Variants in ZNF662 observed in about 807,000 individuals in gnomAD.
ZNF662 encodes zinc finger protein 662.
Under a neutral mutation model 12.4 loss-of-function variants are expected in ZNF662, and 14 were observed. The observed-to-expected ratio is 1.13, with a 90% CI of 0.75 to 1.77. The LOEUF (loss-of-function observed/expected upper bound fraction) is 1.77. ZNF662 is among the 40% of genes most tolerant of loss of function. ZNF662 has a pLI of 0.00. For synonymous variants in ZNF662, 184 were observed against 176.4 expected (o/e 1.04, Z -0.34); for missense variants, 550 against 515.6 (o/e 1.07, Z -0.65).
rs1259604229 is a variant in ZNF662 at position 42,914,532 on chromosome 3, T to C, written c.459T>C (p.Asp153=). 1.2e-6 allele frequency: 2 copies of C among 1,613,928 alleles called. No individual in the cohort carries two copies. The highest frequency in any genetic ancestry group is 1.7e-6 in the Non-Finnish European group (2 of 1,179,848). Residue 153 remains aspartate (D), a synonymous_variant, in exon 5 of 5, where the codon GAT becomes GAC. Transcript: ENST00000440367. ...NGGRMESSTN[D]IIEVIVKDEM... is the part of the protein sequence containing the mutation. ...GACGTATGGAAAGTTCTACAAATGA[T>C]ATTATAGAAGTGATTGTCAAGGATG...
Position 42,917,607 on chromosome 3 carries a change from T to G in ZNF662, c.*2253T>G. On this transcript the variant is annotated 3_prime_UTR_variant, in exon 5 of 5. Coordinates refer to ENST00000440367, the MANE Select transcript of ZNF662 (RefSeq NM_207404.4). The stretch of plus-strand genomic sequence containing the variant: ...TGAAGCAGAGCTACCTCAGAACTTT[T>G]CAGCTATGTGAGCCAATAAACATCT... The G allele has an allele frequency of 1.4e-6, 1 of 691,846 alleles. No individual in the cohort carries two copies. The allele number at this position is 691,846 out of a possible 1,614,324, so 42.9% of individuals were successfully genotyped here.
intron 3 of ZNF662, among the ~76,000 whole-genome samples, chr3:42,912,526 TA>T (rs1319965168): frequency 1.0e-5 from 1 of 96,452 alleles, no homozygotes; most frequent in Non-Finnish European, 1.8e-5. Flanking sequence ...ATTTAATATA[TA>T]AATACATATA....
At position 42,915,131 on chromosome 3, in the gene ZNF662, T is replaced by C; in HGVS notation, c.1058T>C (p.Val353Ala). ...TCAGATCTTTCTCAGCACCAGAGGGTCCACACTGGGGACAAGCCTCATGAA... is the reference window on the plus strand; with the variant it reads ...TCAGATCTTTCTCAGCACCAGAGGGCCCACACTGGGGACAAGCCTCATGAA... ...WNSDLSQHQRVHTGDKPHECT... is the reference protein window; with the variant it reads ...WNSDLSQHQRAHTGDKPHECT... Residue 353 changes from valine to alanine, a missense_variant, in exon 5 of 5, where the codon GTC (valine) becomes GCC (alanine). By Grantham distance (64) the Val-to-Ala change is moderately conservative (BLOSUM62 0). Coordinates refer to ENST00000440367, the MANE Select transcript of ZNF662 (RefSeq NM_207404.4). 1 of 1,614,006 alleles carries C rather than the reference T, an allele frequency of 6.2e-7. No homozygotes were observed. The highest frequency in any genetic ancestry group is 8.5e-7 in the Non-Finnish European group (1 of 1,179,980).
chr3:42,909,913 C>T (rs1211414592), intron 3 of ZNF662, among the ~76,000 whole-genome samples: 37 of 151,880 alleles, frequency 2.4e-4, no homozygotes, highest in Admixed American at 7.9e-4. Context: ...AGAGGATGGG[C>T]GGCCGGGCAG....
At chr3:42,907,623 G>A in intron 1 of ZNF662, 1 of 934,946 alleles carries the variant, frequency 1.1e-6, no homozygotes, top group African/African-American at 1.8e-5. Flanking sequence ...ACATAACAAA[G>A]AATATATGTC....
At chr3:42,909,273 G>A (rs2088734580) in intron 3 of ZNF662, among the ~76,000 whole-genome samples, 1 of 152,092 alleles carries the variant, frequency 6.6e-6, no homozygotes, top group African/African-American at 2.4e-5. Context: ...GACTCTTAAC[G>A]AGCATGCTTC....
intron 4 of ZNF662, 30 bp from the exon 5 acceptor site, chr3:42,914,297 G>A (rs2088870770): frequency 1.9e-6 from 3 of 1,550,284 alleles, no homozygotes; most frequent in Non-Finnish European, 2.6e-6. Context: ...GGATAATGAT[G>A]ACATTTGAAG....
intron 3 of ZNF662, among the ~76,000 whole-genome samples, chr3:42,912,983 T>C (rs1351634962): frequency 6.6e-6 from 1 of 151,576 alleles, no homozygotes; most frequent in Non-Finnish European, 1.5e-5. Flanking sequence ...CCTCAGGTGA[T>C]CCACCCACCT....
chr3:42,914,593 G>A lies in ZNF662; in HGVS notation c.520G>A (p.Asp174Asn). Residue 174 changes from aspartate (D) to asparagine (N), a missense_variant, in exon 5 of 5, where the codon GAT becomes AAT. Transcript: ENST00000440367. ...ISVEESSGNT[D>N]VNNLLGIHHK... is the part of the protein sequence containing the mutation. Reference sequence around the variant, plus strand: ...AGTAGAAGAGAGTTCAGGGAATACTGATGTCAATAACCTCCTTGGTATACA... The same window carrying A: ...AGTAGAAGAGAGTTCAGGGAATACTAATGTCAATAACCTCCTTGGTATACA... 1 of 1,614,122 alleles carries A rather than the reference G, an allele frequency of 6.2e-7. No homozygotes were observed. Among genetic ancestry groups the A allele is most frequent in the Non-Finnish European group, 8.5e-7 (1 of 1,180,012 alleles).
chr3:42,914,543 T>A lies in ZNF662; in HGVS notation c.470T>A (p.Val157Glu), dbSNP rs931400413. The change falls in exon 5 of 5, where the codon GTG becomes GAG. Residue 157 changes from valine (V) to glutamate (E), a missense_variant. Transcript: ENST00000440367. ...AGTTCTACAAATGATATTATAGAAG[T>A]GATTGTCAAGGATGAGATGATCTCA... ...MESSTNDIIE[V>E]IVKDEMISVE... 5.6e-6 allele frequency: 9 copies of A among 1,614,050 alleles called. No homozygotes were observed. The highest frequency in any genetic ancestry group is 7.6e-6 in the Non-Finnish European group (9 of 1,179,998).
In ZNF662 at chr3:42,908,076, G is replaced by T; in HGVS notation, c.-39G>T. On this transcript the variant is annotated 5_prime_UTR_variant, in exon 2 of 5. Coordinates refer to ENST00000440367, the MANE Select transcript of ZNF662 (RefSeq NM_207404.4). ...CTACTTCTCTGAGAACGAATGGATC[G>T]GCCTGGGCCCTGCTCAGAGAGCCCT... 1 of 1,614,154 alleles carries T rather than the reference G, an allele frequency of 6.2e-7. No individual in the cohort carries two copies. The highest frequency in any genetic ancestry group is 8.5e-7 in the Non-Finnish European group (1 of 1,180,026).
intron 1 of ZNF662, among the ~76,000 whole-genome samples, chr3:42,907,026 T>C (rs1193075176): frequency 1.3e-5 from 2 of 152,114 alleles, no homozygotes; most frequent in Non-Finnish European, 1.5e-5. Context: ...GCTGGATAAA[T>C]AGCTGTGGAG....
intron 1 of ZNF662, chr3:42,907,569 TCA>T: frequency 6.8e-6 from 4 of 586,908 alleles, no homozygotes; most frequent in Non-Finnish European, 8.6e-6. Context: ...CCTCCGAGTC[TCA>T]GTTTCCTCTT....
At chr3:42,913,341 A>G (rs1289686766) in intron 4 of ZNF662, 39 bp downstream of exon 4, 8 of 1,473,080 alleles carry the variant, frequency 5.4e-6, no homozygotes, top group Non-Finnish European at 7.6e-6. Flanking sequence ...TCTCAGTCAC[A>G]TCTTTTCCTA....
chr3:42,907,403 G>A (rs1157720119), intron 1 of ZNF662, among the ~76,000 whole-genome samples: 1 of 152,180 alleles, frequency 6.6e-6, no homozygotes, highest in African/African-American at 2.4e-5. Flanking sequence ...GTGGCTGGTG[G>A]CAGTGACTGG....
At position 42,910,030 on chromosome 3, in the gene ZNF662, G is replaced by A. The variant is rs911384033; in HGVS notation, c.151+1121G>A. ...TGGGAGGTGGAGGTTGTAGCGAGCC[G>A]AGATCACGCCACTGCACTCCAGCCT... On this transcript the variant is annotated intron_variant, in intron 3 of 4. Transcript: ENST00000440367. Among the ~76,000 whole-genome samples the A allele has an allele frequency of 9.2e-5, 14 of 152,134 alleles. 1 individual carries two copies. The highest frequency in any genetic ancestry group is 8.5e-4 in the Admixed American group (13 of 15,274).
chr3:42,909,007 A>G lies in ZNF662; in HGVS notation c.151+98A>G, dbSNP rs6778536. On this transcript the variant is annotated intron_variant, in intron 3 of 4. Transcript: ENST00000440367. Reference sequence around the variant, plus strand: ...GTTTTTTTAATCTAGTGTTGTAGACACTAGTGGGATTGCATTTCTTCTCTG... The same window carrying G: ...GTTTTTTTAATCTAGTGTTGTAGACGCTAGTGGGATTGCATTTCTTCTCTG... 2,738 of 736,324 alleles carry G rather than the reference A, an allele frequency of 3.7e-3. 71 individuals carry two copies. In the African/African-American group the frequency reaches 0.045, roughly 12 times the overall value. 45.6% of individuals were successfully genotyped at this position (736,324 alleles called of 1,614,324 possible).
At chr3:42,913,104 C>T in intron 3 of ZNF662, 97 bp from the exon 4 acceptor site, 3 of 825,580 alleles carry the variant, frequency 3.6e-6, no homozygotes, top group Non-Finnish European at 6.1e-6. Flanking sequence ...TTTTCACCCA[C>T]CTTTATTCTC....
rs748154274 is a variant in ZNF662, at chr3:42,906,361, G to A, written c.-94+193G>A. On this transcript the variant is annotated intron_variant, in intron 1 of 4. Coordinates refer to ENST00000440367, the MANE Select transcript of ZNF662 (RefSeq NM_207404.4). This position sits in a 1 kb window ranked among gnomAD's most constrained non-coding sequence, Gnocchi z 4.4. ...GAGGGCGACCTGGGCTATGGCGGCC[G>A]TGGCGCTGGCGAGCGGGACACGCCT... 3.9e-6 allele frequency: 6 copies of A among 1,527,772 alleles called. No homozygotes were observed. In the South Asian group the frequency reaches 6.0e-5, roughly 15 times the overall value. 94.6% of individuals were successfully genotyped at this position (1,527,772 alleles called of 1,614,324 possible).
Sources: allele counts gnomAD v4.1 joint callset (sites outside exome capture counted in the v4.1 genomes callset), GRCh38; gene constraint gnomAD v4.1.1; non-coding constraint Gnocchi (gnomAD v3.1); transcripts MANE v1.5; gene names NCBI Gene and HGNC (gene_info 2026-07-23, HGNC 2026-07-21).